The following RUBCNL variants were observed in gnomAD, a reference collection of about 807,000 sequenced individuals.
RUBCNL encodes the protein protein associated with UVRAG as autophagy enhancer.
Under a neutral mutation model 69.5 loss-of-function variants are expected in RUBCNL, and 62 were observed. The observed-to-expected ratio is 0.89, with a 90% confidence interval of 0.73 to 1.10. The LOEUF is 1.10. RUBCNL is among the 50% of genes least tolerant of loss of function. The pLI is 0.00. For missense variants in RUBCNL, 768 were observed against 798.1 expected (o/e 0.96, Z 0.45); for synonymous variants, 291 against 303.6 (o/e 0.96, Z 0.43).
At chr13:46,366,995 A>G (rs2048771397) in intron 5 of RUBCNL, among the ~76,000 whole-genome samples, 1 of 152,218 alleles carries the variant, frequency 6.6e-6, no homozygotes. Flanking sequence ...CTGAGAAGGA[A>G]TAATTGAAGG....
At chr13:46,347,336 G>A (rs1053992094) in intron 12 of RUBCNL, among the ~76,000 whole-genome samples, 2 of 152,158 alleles carry the variant, frequency 1.3e-5, no homozygotes, top group Non-Finnish European at 2.9e-5. Context: ...GAACCTGGGA[G>A]GCAGAGGCTG....
chr13:46,338,588 C>T lies in RUBCNL; in HGVS notation c.*4797G>A, dbSNP rs565142016. On this transcript the variant is annotated 3_prime_UTR_variant, in exon 15 of 15. Coordinates refer to ENST00000429979, the MANE Select transcript of RUBCNL (RefSeq NM_025113.5). ...TTGTCTCCTCACCAATGGGGATGTACGTAGCCCGAGGAAGGCCAGAGCAGG... is the reference window on the plus strand; with the variant it reads ...TTGTCTCCTCACCAATGGGGATGTATGTAGCCCGAGGAAGGCCAGAGCAGG... 1.4e-4 allele frequency among the ~76,000 whole-genome samples: 22 copies of T among 152,194 alleles called. 1 individual carries two copies. The South Asian group carries it at 3.9e-3, about 27-fold the overall frequency.
chr13:46,344,578 C>T (rs1044420845), intron 14 of RUBCNL, among the ~76,000 whole-genome samples, 163 bp downstream of exon 14: 1 of 152,210 alleles, frequency 6.6e-6, no homozygotes, highest in African/African-American at 2.4e-5. Context: ...TTCATTATCT[C>T]CAATCCAGCA....
intron 5 of RUBCNL, 67 bp from the exon 6 acceptor site, chr13:46,363,280 A>G (rs1436418658): frequency 2.0e-5 from 14 of 697,276 alleles, no homozygotes; most frequent in Non-Finnish European, 6.7e-6. Context: ...AACCTGCAAC[A>G]CCCAACTAAA....
chr13:46,372,268 C>T lies in RUBCNL; in HGVS notation c.208G>A (p.Val70Met). ...QQQPQDLQSQ[V>M]PAAGNSGTHF... ...GTCCCACTGTTCCCTGCTGCTGGCA[C>T]CTGAGATTGCAAGTCCTGCGGCTGT... The change falls in exon 3 of 15, where the codon GTG becomes ATG. Residue 70 changes from valine (V) to methionine (M), a missense_variant. Transcript: ENST00000429979. 1 of 1,614,012 alleles carries T rather than the reference C, an allele frequency of 6.2e-7. No individual in the cohort carries two copies.
At chr13:46,354,966 CAA>C (rs2048452064) in intron 10 of RUBCNL, 1 of 380,542 alleles carries the variant, frequency 2.6e-6, no homozygotes, top group Non-Finnish European at 5.4e-6. Flanking sequence ...AGTGGTTAAC[CAA>C]AGAGACATGT....
chr13:46,388,248 G>A (rs1371988628), upstream of RUBCNL, among the ~76,000 whole-genome samples: 7 of 147,552 alleles, frequency 4.7e-5, no homozygotes, highest in Non-Finnish European at 7.5e-5. Context: ...GAAGGAGGGA[G>A]GGAGGGAGGA....
chr13:46,387,792 G>A (rs2049283246), upstream of RUBCNL: 3 of 985,440 alleles, frequency 3.0e-6, no homozygotes, highest in South Asian at 1.4e-4. Context: ...TCAGCAACTC[G>A]TCACCTTGTC....
chr13:46,368,253 C>A lies in RUBCNL; in HGVS notation c.619-4G>T. On this transcript the variant is annotated splice_polypyrimidine_tract_variant and splice_region_variant and intron_variant, in intron 4 of 14. Coordinates refer to ENST00000429979, the MANE Select transcript of RUBCNL (RefSeq NM_025113.5). ...CAACATAAAAGTGGGCATTTTCCTG[C>A]AGAAAAAGAAATCAATTAAAATACA... 6.2e-7 allele frequency: 1 copy of A among 1,609,500 alleles called. No individual in the cohort carries two copies. The highest frequency in any genetic ancestry group is 8.5e-7 in the Non-Finnish European group (1 of 1,177,366).
chr13:46,338,204 T>C lies in RUBCNL; in HGVS notation c.*5181A>G, dbSNP rs1449926870. Among the ~76,000 whole-genome samples the C allele has an allele frequency of 6.6e-6, 1 of 152,194 alleles. No individual in the cohort carries two copies. The highest frequency in any genetic ancestry group is 2.4e-5 in the African/African-American group (1 of 41,446). ...TGCCATATATCCAAGTATTTAAAAT[T>C]TGAAATATGTTTTATCTTCCTACCA... On this transcript the variant is annotated 3_prime_UTR_variant, in exon 15 of 15. Transcript: ENST00000429979.
At chr13:46,387,762 C>T (rs2049282923), upstream of RUBCNL, 3 of 985,546 alleles carry the variant, frequency 3.0e-6, no homozygotes, top group African/African-American at 1.7e-5. Flanking sequence ...TCACTGTCCG[C>T]GTTAGTTTAG....
intron 2 of RUBCNL, among the ~76,000 whole-genome samples, chr13:46,377,032 C>CT (rs2049009540): frequency 6.9e-6 from 1 of 144,388 alleles, no homozygotes; most frequent in South Asian, 2.2e-4. Flanking sequence ...TTTTGGTTGA[C>CT]TTTTTTTAGT....
rs761778591 is a variant in RUBCNL at position 46,372,391 on chromosome 13, A to G, written c.85T>C (p.Ser29Pro). 1.2e-6 allele frequency: 2 copies of G among 1,613,740 alleles called. No homozygotes were observed. Reference protein sequence around the residue: ...ISDHSGIIDGSPRLLNTDHPP... With the variant: ...ISDHSGIIDGPPRLLNTDHPP... ...TGGTCAGTGTTCAGGAGTCTGGGCG[A>G]ACCATCAATAATGCCAGAGTGATCG... Residue 29 changes from serine to proline, a missense_variant, in exon 3 of 15, where the codon TCG becomes CCG. Transcript: ENST00000429979.
rs150369743 is a variant in RUBCNL, at chr13:46,370,415, A to C, written c.535+1526T>G. Among the ~76,000 whole-genome samples, 84 of 152,344 alleles carry C rather than the reference A, an allele frequency of 5.5e-4. 1 individual carries two copies. Among genetic ancestry groups the C allele is most frequent in the Non-Finnish European group, 8.4e-4 (57 of 68,036 alleles). On this transcript the variant is annotated intron_variant, in intron 3 of 14. Transcript: ENST00000429979. ...CCATCTGAGATGCAGCGGTCATAGGAATGTCCACATCTTAGTGGCCAATGG... is the reference window on the plus strand; with the variant it reads ...CCATCTGAGATGCAGCGGTCATAGGCATGTCCACATCTTAGTGGCCAATGG...
At chr13:46,361,220 G>T (rs549291821) in intron 8 of RUBCNL, among the ~76,000 whole-genome samples, 16 of 152,162 alleles carry the variant, frequency 1.1e-4, no homozygotes, top group African/African-American at 3.9e-4. Flanking sequence ...GCAAGAATCC[G>T]TCTCAAAAAA....
At chr13:46,358,694 G>C (rs1314648104) in intron 9 of RUBCNL, among the ~76,000 whole-genome samples, 2 of 151,980 alleles carry the variant, frequency 1.3e-5, no homozygotes, top group Non-Finnish European at 2.9e-5. Flanking sequence ...GCTGGGATTA[G>C]AGGGCTGCAC....
chr13:46,385,228 A>C, intron 1 of RUBCNL: 5 of 959,484 alleles, frequency 5.2e-6, no homozygotes, highest in Non-Finnish European at 6.2e-6. Context: ...CTTTCAGTTC[A>C]GAATAAGACA....
intron 12 of RUBCNL, among the ~76,000 whole-genome samples, chr13:46,346,961 C>T (rs557052972): frequency 6.6e-5 from 10 of 152,226 alleles, no homozygotes; most frequent in Non-Finnish European, 8.8e-5. Flanking sequence ...TGCCCTATTA[C>T]GAACACCTAG....
chr13:46,349,842 A>AT (rs2048331012), intron 11 of RUBCNL, among the ~76,000 whole-genome samples: 1 of 150,920 alleles, frequency 6.6e-6, no homozygotes, highest in African/African-American at 2.4e-5. Context: ...ATACCTGACT[A>AT]ATTTTTTTTT....
Sources: allele counts gnomAD v4.1 joint callset (sites outside exome capture counted in the v4.1 genomes callset), GRCh38; gene constraint gnomAD v4.1.1; transcripts MANE v1.5; gene names NCBI Gene and HGNC (gene_info 2026-07-23, HGNC 2026-07-21).